Variants in HDGFL3 observed in about 807,000 individuals in gnomAD.
HDGFL3 encodes hepatoma-derived growth factor-related protein 3.
Under a neutral mutation model 27.6 loss-of-function variants are expected in HDGFL3, and 6 were observed. That is an observed-to-expected ratio of 0.22 (90% CI 0.12 to 0.43). The LOEUF is 0.43. Ranked by LOEUF, HDGFL3 falls within the 20% of genes least tolerant of loss-of-function variation. HDGFL3 has a pLI of 1.00. For missense variants in HDGFL3, 207 were observed against 250.1 expected (o/e 0.83, Z 1.16); for synonymous variants, 88 against 88.9 (o/e 0.99, Z 0.05).
At chr15:83,159,401 A>G (rs1451782071) in intron 2 of HDGFL3, among the ~76,000 whole-genome samples, 6 of 152,224 alleles carry the variant, frequency 3.9e-5, no homozygotes, top group Non-Finnish European at 1.5e-5. Flanking sequence ...TTCAACAAAC[A>G]TTGATTGAAC....
Position 83,119,479 on chromosome 15 carries a change from AAGTT to A in HDGFL3, c.394-3742_394-3739del, listed in dbSNP as rs1468996933. The A allele has an allele frequency of 2.5e-6, 3 of 1,194,516 alleles. No homozygotes were observed. The East Asian group carries it at 7.1e-5, about 28-fold the overall frequency. 74.0% of individuals were successfully genotyped at this position (1,194,516 alleles called of 1,614,324 possible). A position where few individuals can be genotyped will look rare whatever the true frequency, so the allele number is the denominator to read the frequency against. On this transcript the variant is annotated intron_variant, in intron 3 of 3. Coordinates refer to the HDGFL3 transcript ENST00000568294. ...TAGTTTCATCTTAGCAGATGAACAC[AAGTT>A]AGTTCTGCTGTTTTATTTTACTTGC... is the stretch of plus-strand genomic sequence containing the variant.
At chr15:83,204,216 A>G (rs2037687391) in intron 1 of HDGFL3, among the ~76,000 whole-genome samples, 1 of 151,644 alleles carries the variant, frequency 6.6e-6, no homozygotes, top group African/African-American at 2.4e-5. Context: ...ATATACTTAT[A>G]TATATCAGAC....
At chr15:83,140,182 T>C (rs181473533) in intron 5 of HDGFL3, among the ~76,000 whole-genome samples, 15 of 152,304 alleles carry the variant, frequency 9.8e-5, no homozygotes, top group Admixed American at 9.8e-4. Flanking sequence ...GTATATATTA[T>C]AATAAACGAT....
Position 83,131,271 on chromosome 15 carries a change from CAACT to C in HDGFL3, c.*7995_*7998del, listed in dbSNP as rs2151381977. ...TCTAGTAAACTCTCAAGAATCTATG[CAACT>C]TAGTAAGGGAAAAAAAAACCACCTT... is the stretch of plus-strand genomic sequence containing the variant. On this transcript the variant is annotated 3_prime_UTR_variant, in exon 6 of 6. Coordinates refer to ENST00000299633, the MANE Select transcript of HDGFL3 (RefSeq NM_016073.4). 6.6e-6 allele frequency: 1 copy of C among 152,004 alleles called. No homozygotes were observed. Among genetic ancestry groups the C allele is most frequent in the Non-Finnish European group, 1.5e-5 (1 of 68,010 alleles). 9.4% of individuals were successfully genotyped at this position (152,004 alleles called of 1,614,324 possible).
At chr15:83,144,479 A>G in intron 5 of HDGFL3, 1 of 456,088 alleles carries the variant, frequency 2.2e-6, no homozygotes. Context: ...TCTGTTTGCC[A>G]GCACTCTCTC....
At chr15:83,184,357 G>T (rs1240926863) in intron 1 of HDGFL3, among the ~76,000 whole-genome samples, 1 of 152,140 alleles carries the variant, frequency 6.6e-6, no homozygotes. Flanking sequence ...CAGTCCAAAA[G>T]GAAACCATTT....
At chr15:83,117,357 G>C (rs144882083) in intron 3 of HDGFL3, among the ~76,000 whole-genome samples, 2 of 152,302 alleles carry the variant, frequency 1.3e-5, no homozygotes, top group East Asian at 3.9e-4. Flanking sequence ...TCCTGGAAGA[G>C]AGAGTCACGG....
exon 4 of HDGFL3, chr15:83,115,738 T>A (rs2034600344): frequency 2.5e-6 from 2 of 798,832 alleles, no homozygotes; most frequent in Non-Finnish European, 4.3e-6. Flanking sequence ...GTCCACAGCA[T>A]CTTCTGGAAA....
chr15:83,127,390 C>G, downstream of HDGFL3: 1 of 1,613,910 alleles, frequency 6.2e-7, no homozygotes, highest in Non-Finnish European at 8.5e-7. Flanking sequence ...CTGTTCCTTA[C>G]TTTGTGACTG....
chr15:83,146,622 C>CTACT (rs2036897968), intron 5 of HDGFL3, among the ~76,000 whole-genome samples: 1 of 152,152 alleles, frequency 6.6e-6, no homozygotes, highest in African/African-American at 2.4e-5. Context: ...CTTCTTTACC[C>CTACT]TACTCTCTGC....
chr15:83,203,132 TA>T (rs1219671478), intron 1 of HDGFL3, among the ~76,000 whole-genome samples: 1 of 152,124 alleles, frequency 6.6e-6, no homozygotes, highest in Non-Finnish European at 1.5e-5. Context: ...ATAAAGTTTT[TA>T]AGTGTAAAAA....
chr15:83,150,981 A>C (rs1362361742), intron 5 of HDGFL3, among the ~76,000 whole-genome samples: 2 of 152,198 alleles, frequency 1.3e-5, no homozygotes, highest in Admixed American at 6.5e-5. Flanking sequence ...TATAAAGAAA[A>C]ATAAACCTGT....
intron 1 of HDGFL3, among the ~76,000 whole-genome samples, chr15:83,174,076 G>C (rs985067848): frequency 2.0e-5 from 3 of 152,160 alleles, no homozygotes; most frequent in Admixed American, 2.0e-4. Flanking sequence ...TTTAAATTGT[G>C]ATACTGAAGG....
intron 3 of HDGFL3, among the ~76,000 whole-genome samples, chr15:83,120,657 G>A (rs1368731136): frequency 7.3e-6 from 1 of 137,752 alleles, no homozygotes; most frequent in South Asian, 2.4e-4. Flanking sequence ...TGCAATCTCC[G>A]CCTCCCAGGT....
intron 5 of HDGFL3, among the ~76,000 whole-genome samples, chr15:83,141,194 T>C (rs967049637): frequency 2.0e-5 from 3 of 152,204 alleles, no homozygotes; most frequent in East Asian, 1.9e-4. Flanking sequence ...TCTGAGTAAG[T>C]AGCCACAAGT....
intron 4 of HDGFL3, among the ~76,000 whole-genome samples, chr15:83,156,365 C>T (rs17567999): frequency 0.057 from 8,598 of 152,144 alleles, 358 homozygotes; most frequent in Middle Eastern, 0.085. Context: ...TTATTATTTA[C>T]GTGATTACTG....
At chr15:83,159,351 T>G (rs1468377439) in intron 2 of HDGFL3, among the ~76,000 whole-genome samples, 1 of 152,196 alleles carries the variant, frequency 6.6e-6, no homozygotes, top group Non-Finnish European at 1.5e-5. Context: ...CTGACACCCC[T>G]AGAGCTTACT....
intron 5 of HDGFL3, 138 bp from the exon 6 acceptor site, chr15:83,139,413 C>T: frequency 2.2e-6 from 1 of 460,228 alleles, no homozygotes; most frequent in Non-Finnish European, 3.8e-6. Flanking sequence ...ACAATACTTA[C>T]TGAGCAAGAG....
intron 5 of HDGFL3, among the ~76,000 whole-genome samples, chr15:83,144,183 T>C (rs1218768063): frequency 1.3e-5 from 2 of 152,158 alleles, no homozygotes; most frequent in African/African-American, 4.8e-5. Flanking sequence ...ATGCCATAGC[T>C]GTGTGGTAAC....
Sources: allele counts gnomAD v4.1 joint callset (sites outside exome capture counted in the v4.1 genomes callset), GRCh38; gene constraint gnomAD v4.1.1; transcripts MANE v1.5; gene names NCBI Gene and HGNC (gene_info 2026-07-23, HGNC 2026-07-21).